CREBBP: variants seen among roughly 807,000 people sequenced by gnomAD.
The protein encoded by CREBBP is CREB-binding protein.
A neutral mutation model predicts 265.0 loss-of-function variants in CREBBP; 19 were observed. The observed-to-expected ratio is 0.07, with a 90% confidence interval of 0.05 to 0.11. The LOEUF (loss-of-function observed/expected upper bound fraction) is 0.11. Ranked by LOEUF, CREBBP falls within the 10% of genes least tolerant of loss-of-function variation. The pLI, the probability that CREBBP is intolerant of heterozygous loss-of-function variation, is 1.00. For missense variants in CREBBP, 2,525 were observed against 3,219.0 expected, an observed-to-expected ratio of 0.78 and a Z score of 5.22; for synonymous variants, 1,457 against 1,223.7, an observed-to-expected ratio of 1.19 and a Z score of -3.98.
chr16:3,879,124 G>A (rs1425462535), intron 1 of CREBBP, among the ~76,000 whole-genome samples: 1 of 152,064 alleles, frequency 6.6e-6, no homozygotes, highest in Non-Finnish European at 1.5e-5. Flanking sequence ...ACTTTCTTTT[G>A]AAGTTATACA....
At chr16:3,735,174 G>A (rs1241310327) in intron 28 of CREBBP, among the ~76,000 whole-genome samples, 1 of 152,120 alleles carries the variant, frequency 6.6e-6, no homozygotes, top group African/African-American at 2.4e-5. Context: ...TGGCCCACAC[G>A]CCACCTCCCC....
rs753283086 is a variant in CREBBP at position 3,728,301 on chromosome 16, CGCTGCT to C, written c.6740_6745del (p.Gln2247_Gln2248del). The C allele has an allele frequency of 3.7e-6, 6 of 1,611,752 alleles. No homozygotes were observed. Among genetic ancestry groups the C allele is most frequent in the Non-Finnish European group, 5.1e-6 (6 of 1,179,538 alleles). On this transcript the variant is annotated inframe_deletion, in exon 31 of 31. Transcript: ENST00000262367. The surrounding 1 kb of genome is among the most constrained non-coding windows in gnomAD (Gnocchi z 8.7). ...CTGGAGGGGGAGATGCTGCTGCATGCGCTGCTGCTGCTGCATGGCCGGTGGGTAGCC... is the reference window on the plus strand; with the variant it reads ...CTGGAGGGGGAGATGCTGCTGCATGCGCTGCTGCATGGCCGGTGGGTAGCC...
At chr16:3,803,046 G>C (rs1270778832) in intron 3 of CREBBP, among the ~76,000 whole-genome samples, 1 of 151,934 alleles carries the variant, frequency 6.6e-6, no homozygotes, top group Non-Finnish European at 1.5e-5. Flanking sequence ...CTGCCAACCT[G>C]GGAAGAAGCG....
In CREBBP at chr16:3,797,775, T is replaced by TA. The variant is rs879772844; in HGVS notation, c.976-4150dup. On this transcript the variant is annotated intron_variant, in intron 3 of 30. Transcript: ENST00000262367. ...TTTGATCCTTATCTTCCCTTTTATT[T>TA]AAAAAAAAAAAAATTCACATGAACT... 5.7e-3 allele frequency among the ~76,000 whole-genome samples: 828 copies of TA among 144,356 alleles called. 3 individuals carry two copies. The highest frequency in any genetic ancestry group is 7.2e-3 in the African/African-American group (283 of 39,420). 94.7% of individuals were successfully genotyped at this position (144,356 alleles called of 152,430 possible).
At chr16:3,870,144 A>T (rs909973930) in intron 1 of CREBBP, among the ~76,000 whole-genome samples, 1 of 146,756 alleles carries the variant, frequency 6.8e-6, no homozygotes, top group Non-Finnish European at 1.5e-5. Flanking sequence ...TTTTACTTAT[A>T]AAAAAAAAAA....
intron 2 of CREBBP, among the ~76,000 whole-genome samples, chr16:3,813,760 T>G (rs944701910): frequency 2.0e-5 from 3 of 152,208 alleles, no homozygotes; most frequent in African/African-American, 7.2e-5. Context: ...TAGATGCATT[T>G]CCCACTTGTC....
chr16:3,791,758 G>C (rs901854108), intron 5 of CREBBP, among the ~76,000 whole-genome samples: 1 of 152,164 alleles, frequency 6.6e-6, no homozygotes, highest in East Asian at 1.9e-4. Flanking sequence ...GGGAGAGGGA[G>C]AGGCAGTGAG....
intron 2 of CREBBP, among the ~76,000 whole-genome samples, chr16:3,846,364 G>A (rs6500556): frequency 0.91 from 138,026 of 152,270 alleles, 63,788 homozygotes; most frequent in Non-Finnish European, 0.99. Flanking sequence ...TGATGAAGGT[G>A]TAATTTGCAC....
chr16:3,879,974 G>A lies in CREBBP; in HGVS notation c.-58C>T, dbSNP rs1597099763. On this transcript the variant is annotated 5_prime_UTR_variant, in exon 1 of 31. Coordinates refer to ENST00000262367, the MANE Select transcript of CREBBP (RefSeq NM_004380.3). Reference sequence around the variant, plus strand: ...GGGCGGCCGGGCCGGCGAGGGCCCGGACGGGGGTCGGGGGCCCTGCCGGCT... The same window carrying A: ...GGGCGGCCGGGCCGGCGAGGGCCCGAACGGGGGTCGGGGGCCCTGCCGGCT... 6.5e-7 allele frequency: 1 copy of A among 1,531,778 alleles called. No homozygotes were observed. The highest frequency in any genetic ancestry group is 1.2e-5 in the South Asian group (1 of 85,398). The allele number at this position is 1,531,778 out of a possible 1,614,324, so 94.9% of individuals were successfully genotyped here.
Position 3,838,341 on chromosome 16 carries a change from G to C in CREBBP, c.798+11956C>G, listed in dbSNP as rs369874601. ...GGTGTGTAACAGGCTATGCCATCTA[G>C]GTTTGCATAACTACTCTATGATGTT... On this transcript the variant is annotated intron_variant, in intron 2 of 30. Transcript: ENST00000262367. Among the ~76,000 whole-genome samples, 10 of 152,170 alleles carry C rather than the reference G, an allele frequency of 6.6e-5. No homozygotes were observed. In the East Asian group the frequency reaches 9.6e-4, roughly 15 times the overall value.
In CREBBP at chr16:3,744,910, G is replaced by A. The variant is rs1413282917; in HGVS notation, c.3966C>T (p.Asn1322=). Residue 1322 remains asparagine (N), a synonymous_variant, in exon 23 of 31, where the codon AAC becomes AAT. Transcript: ENST00000262367. Reference sequence around the variant, plus strand: ...GAAACTTACTCTTAGCACTGAATTTGTTTTCTTTTCGAGGTCTGCCAGTTT... The same window carrying A: ...GAAACTTACTCTTAGCACTGAATTTATTTTCTTTTCGAGGTCTGCCAGTTT... The part of the protein sequence containing the change: ...LKKTGRPRKE[N]KFSAKRLQTT... 3 of 1,613,880 alleles carry A rather than the reference G, an allele frequency of 1.9e-6. No homozygotes were observed. The highest frequency in any genetic ancestry group is 2.5e-6 in the Non-Finnish European group (3 of 1,179,780).
At chr16:3,848,340 G>A (rs1212515802) in intron 2 of CREBBP, among the ~76,000 whole-genome samples, 1 of 152,150 alleles carries the variant, frequency 6.6e-6, no homozygotes, top group Admixed American at 6.5e-5. Flanking sequence ...CTCTTGAAGT[G>A]CAGTCCAGGG....
chr16:3,872,371 G>A (rs867063951), intron 1 of CREBBP, among the ~76,000 whole-genome samples: 1 of 152,082 alleles, frequency 6.6e-6, no homozygotes, highest in Non-Finnish European at 1.5e-5. Flanking sequence ...ACCACTCCAG[G>A]ACGCCCCGGG....
intron 2 of CREBBP, among the ~76,000 whole-genome samples, chr16:3,812,482 A>G (rs2053957753): frequency 6.6e-6 from 1 of 151,792 alleles, no homozygotes; most frequent in Admixed American, 6.6e-5. Context: ...CCCGGCCTAA[A>G]ATTTTCCATA....
At chr16:3,740,263 G>C in intron 24 of CREBBP, 136 bp downstream of exon 24, 3 of 979,702 alleles carry the variant, frequency 3.1e-6, no homozygotes, top group Non-Finnish European at 4.7e-6. Context: ...CCGCAGCTGA[G>C]GGGGCTACTG....
chr16:3,789,436 G>C (rs565540552), intron 5 of CREBBP, among the ~76,000 whole-genome samples: 1 of 152,270 alleles, frequency 6.6e-6, no homozygotes, highest in African/African-American at 2.4e-5. Context: ...AAAGTAGTCA[G>C]GTGCGCTCCA....
At chr16:3,806,527 T>G (rs2053833824) in intron 3 of CREBBP, among the ~76,000 whole-genome samples, 1 of 151,906 alleles carries the variant, frequency 6.6e-6, no homozygotes, top group African/African-American at 2.4e-5. Flanking sequence ...TGGGAGAACC[T>G]GAAGATGAGG....
Position 3,880,033 on chromosome 16 carries a change from G to T in CREBBP, c.-117C>A. On this transcript the variant is annotated 5_prime_UTR_variant, in exon 1 of 31. Coordinates refer to ENST00000262367, the MANE Select transcript of CREBBP (RefSeq NM_004380.3). ...GAGGAGCGAGCGCGGGCCGCGAGCG[G>T]GCGGGCGGGCGCCGAGGGAGAGGGA... is the stretch of plus-strand genomic sequence containing the variant. 1 of 833,674 alleles carries T rather than the reference G, an allele frequency of 1.2e-6. No individual in the cohort carries two copies. Among genetic ancestry groups the T allele is most frequent in the Non-Finnish European group, 1.6e-6 (1 of 625,870 alleles). 51.6% of individuals were successfully genotyped at this position (833,674 alleles called of 1,614,324 possible). A position where few individuals can be genotyped will look rare whatever the true frequency, so the allele number is the denominator to read the frequency against.
chr16:3,787,864 C>T (rs878924184), intron 5 of CREBBP, among the ~76,000 whole-genome samples: 3 of 152,020 alleles, frequency 2.0e-5, no homozygotes, highest in East Asian at 1.9e-4. Context: ...TTAGTAGAGA[C>T]GGGGTTTCAC....
Sources: gnomAD v4.1 joint callset for allele counts (sites outside exome capture counted in the v4.1 genomes callset) on GRCh38, gnomAD v4.1.1 for gene constraint, Gnocchi (gnomAD v3.1) non-coding constraint, MANE v1.5 for transcripts, NCBI Gene and HGNC (gene_info 2026-07-23, HGNC 2026-07-21) for gene names.